OLFM1: variants seen among roughly 807,000 people sequenced by gnomAD.
The protein encoded by OLFM1 is noelin.
In OLFM1, 9 loss-of-function variants were observed where a neutral mutation model predicts 49.7. The ratio of observed to expected loss-of-function variants is 0.18; its 90% confidence interval spans 0.11 to 0.32. OLFM1 has a LOEUF of 0.32. Ranked by LOEUF, OLFM1 falls within the 10% of genes least tolerant of loss-of-function variation. The pLI, the probability that OLFM1 is intolerant of heterozygous loss-of-function variation, is 1.00. For missense variants in OLFM1, 369 were observed against 661.8 expected (o/e 0.56, Z 4.85); for synonymous variants, 240 against 271.8 (o/e 0.88, Z 1.15).
chr9:135,083,235 C>T (rs1402506217), upstream of OLFM1, among the ~76,000 whole-genome samples: 1 of 152,194 alleles, frequency 6.6e-6, no homozygotes, highest in African/African-American at 2.4e-5. Flanking sequence ...TGTCCCTGTT[C>T]TTCAAAGTAC....
In OLFM1 at chr9:135,088,989, C is replaced by T. The variant is rs1830642878; in HGVS notation, c.150+850C>T. On this transcript the variant is annotated intron_variant, in intron 1 of 5. Transcript: ENST00000371793. The surrounding 1 kb of genome is among the most constrained non-coding windows in gnomAD (Gnocchi z 4.8). ...CCGGAGGGCCGCGCGGGGAAGGGGC[C>T]GCTGCCGGGAAGGCGCGCCCCAGAC... 6.6e-6 allele frequency among the ~76,000 whole-genome samples: 1 copy of T among 152,182 alleles called. No individual in the cohort carries two copies. The highest frequency in any genetic ancestry group is 2.4e-5 in the African/African-American group (1 of 41,456).
chr9:135,091,963 G>T (rs1830722727), intron 2 of OLFM1, among the ~76,000 whole-genome samples: 1 of 151,958 alleles, frequency 6.6e-6, no homozygotes, highest in Admixed American at 6.6e-5. Flanking sequence ...GACTCTTCCT[G>T]CAGGTTGGCC....
upstream of OLFM1, among the ~76,000 whole-genome samples, chr9:135,083,513 G>A (rs565498021): frequency 6.6e-6 from 1 of 152,318 alleles, no homozygotes; most frequent in South Asian, 2.1e-4. Flanking sequence ...ACAGCCATGG[G>A]TCTGTGGGAT....
Position 135,088,241 on chromosome 9 carries a change from G to C in OLFM1, c.150+102G>C. The C allele has an allele frequency of 1.8e-6, 2 of 1,114,530 alleles. No individual in the cohort carries two copies. Among genetic ancestry groups the C allele is most frequent in the Non-Finnish European group, 2.3e-6 (2 of 888,324 alleles). The allele number at this position is 1,114,530 out of a possible 1,614,324, so 69.0% of individuals were successfully genotyped here. Reference sequence around the variant, plus strand: ...GCTGGGCGGGCGCCGCGCGGGACCCGAGTCGCCCAGGGAGGCGGCGGGGAG... The same window carrying C: ...GCTGGGCGGGCGCCGCGCGGGACCCCAGTCGCCCAGGGAGGCGGCGGGGAG... On this transcript the variant is annotated intron_variant, in intron 1 of 5. Transcript: ENST00000371793. This position sits in a 1 kb window ranked among gnomAD's most constrained non-coding sequence, Gnocchi z 4.8.
intron 3 of OLFM1, among the ~76,000 whole-genome samples, chr9:135,097,426 C>T (rs1339632882): frequency 1.3e-5 from 2 of 152,178 alleles, no homozygotes; most frequent in African/African-American, 2.4e-5. Flanking sequence ...CCCTTCTCTG[C>T]GGCCAGCAGA....
rs903343096 is a variant in OLFM1, at chr9:135,113,501, G to A, written c.784-6003G>A. 1.3e-5 allele frequency among the ~76,000 whole-genome samples: 2 copies of A among 152,164 alleles called. No individual in the cohort carries two copies. Among genetic ancestry groups the A allele is most frequent in the African/African-American group, 4.8e-5 (2 of 41,432 alleles). On this transcript the variant is annotated intron_variant, in intron 5 of 5. Coordinates refer to ENST00000371793, the MANE Select transcript of OLFM1 (RefSeq NM_001282611.2). This position sits in a 1 kb window ranked among gnomAD's most constrained non-coding sequence, Gnocchi z 4.0. Reference sequence around the variant, plus strand: ...AGGTCCTCACAGGACCTATTTTACAGCAGAGGGAACTGAGGCACAGAGAGG... The same window carrying A: ...AGGTCCTCACAGGACCTATTTTACAACAGAGGGAACTGAGGCACAGAGAGG...
intron 5 of OLFM1, among the ~76,000 whole-genome samples, chr9:135,114,613 G>A (rs1043385675): frequency 2.7e-4 from 41 of 152,036 alleles, no homozygotes; most frequent in African/African-American, 9.9e-4. Flanking sequence ...GGGACGGGGT[G>A]GAGGGGCAGC....
chr9:135,091,759 ACT>A (rs1415169098), intron 2 of OLFM1, among the ~76,000 whole-genome samples: 4 of 113,058 alleles, frequency 3.5e-5, no homozygotes, highest in South Asian at 2.9e-4. Context: ...AGTCACACAC[ACT>A]CACACAGTCA....
chr9:135,098,197 T>C lies in OLFM1; in HGVS notation c.457-89T>C, dbSNP rs1228767912. 3 of 1,520,342 alleles carry C rather than the reference T, an allele frequency of 2.0e-6. No homozygotes were observed. The African/African-American group carries it at 4.2e-5, about 21-fold the overall frequency. 94.2% of individuals were successfully genotyped at this position (1,520,342 alleles called of 1,614,324 possible). A position where few individuals can be genotyped will look rare whatever the true frequency, so the allele number is the denominator to read the frequency against. ...GTAAATAAAGCGGGAATATACACACTTTCCCTCACCTAGGGAGAAGCCAGG... is the reference window on the plus strand; with the variant it reads ...GTAAATAAAGCGGGAATATACACACCTTCCCTCACCTAGGGAGAAGCCAGG... On this transcript the variant is annotated intron_variant, in intron 3 of 5. Coordinates refer to ENST00000371793, the MANE Select transcript of OLFM1 (RefSeq NM_001282611.2). The surrounding 1 kb of genome is among the most constrained non-coding windows in gnomAD (Gnocchi z 5.6).
At chr9:135,112,203 C>T (rs893724878) in intron 5 of OLFM1, among the ~76,000 whole-genome samples, 5 of 144,122 alleles carry the variant, frequency 3.5e-5, no homozygotes, top group Non-Finnish European at 7.6e-5. Flanking sequence ...ATGCACTGGC[C>T]GCTGATCGCC....
At chr9:135,112,381 C>A (rs1209915373) in intron 5 of OLFM1, among the ~76,000 whole-genome samples, 2 of 152,222 alleles carry the variant, frequency 1.3e-5, no homozygotes, top group East Asian at 3.8e-4. Context: ...TCTCCCCTTC[C>A]TATGCCTGGG....
At chr9:135,087,588 C>T (rs900254350), upstream of OLFM1, 27 of 935,828 alleles carry the variant, frequency 2.9e-5, no homozygotes, top group African/African-American at 3.5e-5. Flanking sequence ...CCACCCATTT[C>T]CTGGGCGGAT....
Position 135,080,829 on chromosome 9 carries a change from C to A in OLFM1, c.96+5027C>A, listed in dbSNP as rs976131687. 2.0e-5 allele frequency among the ~76,000 whole-genome samples: 3 copies of A among 152,156 alleles called. No homozygotes were observed. Among genetic ancestry groups the A allele is most frequent in the African/African-American group, 7.2e-5 (3 of 41,428 alleles). ...AGCTCTGAAAGATTCGTCCTGGACA[C>A]CCTGCACGCTCGGAAACCTCAGCGC... On this transcript the variant is annotated intron_variant, in intron 1 of 5. Transcript: ENST00000252854. This position sits in a 1 kb window ranked among gnomAD's most constrained non-coding sequence, Gnocchi z 4.5.
rs1830831586 is a variant in OLFM1 at position 135,098,658 on chromosome 9, A to G, written c.676+153A>G. On this transcript the variant is annotated intron_variant, in intron 4 of 5. Transcript: ENST00000371793. The surrounding 1 kb of genome is among the most constrained non-coding windows in gnomAD (Gnocchi z 5.6). ...CCTGGGCAGGTCTACCTTGAGAGAC[A>G]GCAAAGGAGGAGCGTAGGCCACACC... 6.6e-6 allele frequency among the ~76,000 whole-genome samples: 1 copy of G among 152,230 alleles called. No individual in the cohort carries two copies. Among genetic ancestry groups the G allele is most frequent in the Non-Finnish European group, 1.5e-5 (1 of 68,034 alleles).
upstream of OLFM1, among the ~76,000 whole-genome samples, chr9:135,087,065 T>G (rs1240759944): frequency 6.6e-6 from 1 of 152,044 alleles, no homozygotes. Context: ...GTGTCAGGAG[T>G]GCCGGTTGGC....
chr9:135,087,561 C>G (rs1830614711), upstream of OLFM1: 1 of 1,132,348 alleles, frequency 8.8e-7, no homozygotes, highest in Non-Finnish European at 1.2e-6. Context: ...GGCGGGGAGC[C>G]GAGCGAGAGG....
intron 5 of OLFM1, among the ~76,000 whole-genome samples, chr9:135,109,946 C>T (rs1009301325): frequency 6.6e-6 from 1 of 152,134 alleles, no homozygotes; most frequent in Non-Finnish European, 1.5e-5. Context: ...TAGCTTGGGA[C>T]GCCTTTGCAG....
intron 4 of OLFM1, among the ~76,000 whole-genome samples, chr9:135,103,645 T>C (rs1033643183): frequency 6.6e-5 from 10 of 152,130 alleles, no homozygotes; most frequent in African/African-American, 2.4e-4. Flanking sequence ...AGCCGCCCTC[T>C]GGAGAGCAGA....
intron 4 of OLFM1, among the ~76,000 whole-genome samples, chr9:135,102,348 C>A (rs982458408): frequency 3.9e-5 from 6 of 152,222 alleles, no homozygotes; most frequent in Admixed American, 2.0e-4. Context: ...GCCACTGTCA[C>A]CAGCACACAT....
Sources: gnomAD v4.1 joint callset for allele counts (sites outside exome capture counted in the v4.1 genomes callset) on GRCh38, gnomAD v4.1.1 for gene constraint, Gnocchi (gnomAD v3.1) non-coding constraint, MANE v1.5 for transcripts, NCBI Gene and HGNC (gene_info 2026-07-23, HGNC 2026-07-21) for gene names.